Variants in LRP1B observed in about 807,000 individuals in gnomAD.
The protein encoded by LRP1B is LDL receptor related protein 1B.
In LRP1B, 217 loss-of-function variants were observed where a neutral mutation model predicts 556.6. The ratio of observed to expected loss-of-function variants is 0.39; its 90% CI spans 0.35 to 0.44. The LOEUF (loss-of-function observed/expected upper bound fraction) is 0.44. Among genes scored for constraint, LRP1B ranks in the 20% least tolerant of loss-of-function variants. The probability of loss-of-function intolerance (pLI) is 1.00; values close to 1 mark genes in which losing one functional copy is unlikely to be tolerated. For missense variants in LRP1B, 5,053 were observed against 5,620.8 expected (o/e 0.90, Z 3.23); for synonymous variants, 2,047 against 1,865.8 (o/e 1.10, Z -2.50).
chr2:141,525,226 G>C (rs2105181239), intron 2 of LRP1B, among the ~76,000 whole-genome samples: 1 of 152,156 alleles, frequency 6.6e-6, no homozygotes, highest in African/African-American at 2.4e-5. Flanking sequence ...GAAAGATATG[G>C]AAGTCTTCCT....
intron 86 of LRP1B, among the ~76,000 whole-genome samples, chr2:140,252,647 A>T (rs116832183): frequency 0.021 from 3,121 of 152,140 alleles, 38 homozygotes; most frequent in African/African-American, 0.029. Flanking sequence ...TTAAATGTAA[A>T]AATATTATTT....
chr2:140,537,531 G>T (rs564731100), intron 45 of LRP1B, among the ~76,000 whole-genome samples: 1 of 152,114 alleles, frequency 6.6e-6, no homozygotes, highest in South Asian at 2.1e-4. Flanking sequence ...ATCCATGTGT[G>T]GGAGGTTCCC....
intron 89 of LRP1B, among the ~76,000 whole-genome samples, chr2:140,237,874 T>A (rs1680778972): frequency 6.6e-6 from 1 of 150,850 alleles, no homozygotes; most frequent in Non-Finnish European, 1.5e-5. Context: ...CAAAATTAGA[T>A]AATGAATCAT....
At chr2:141,852,898 AAAAAG>A (rs1697913294) in intron 1 of LRP1B, among the ~76,000 whole-genome samples, 1 of 151,722 alleles carries the variant, frequency 6.6e-6, no homozygotes, top group Non-Finnish European at 1.5e-5. Flanking sequence ...TAGTTAAAAA[AAAAAG>A]AAATGAAAAA....
chr2:140,365,703 T>C (rs755628835), intron 71 of LRP1B, among the ~76,000 whole-genome samples: 1 of 151,642 alleles, frequency 6.6e-6, no homozygotes, highest in Admixed American at 6.6e-5. Context: ...GATATCACAG[T>C]ATAGAATTAA....
intron 1 of LRP1B, among the ~76,000 whole-genome samples, chr2:141,904,028 G>A (rs1381619957): frequency 6.6e-6 from 1 of 151,924 alleles, no homozygotes; most frequent in Non-Finnish European, 1.5e-5. Context: ...GTAATGGAAA[G>A]ATATGATAGT....
intron 53 of LRP1B, among the ~76,000 whole-genome samples, 164 bp downstream of exon 53, chr2:140,506,632 A>G (rs1039173616): frequency 2.0e-5 from 3 of 152,198 alleles, no homozygotes; most frequent in Non-Finnish European, 4.4e-5. Flanking sequence ...ATTATACTAG[A>G]GCTTAAATAA....
At chr2:140,422,997 C>T (rs772914900) in intron 66 of LRP1B, among the ~76,000 whole-genome samples, 2 of 152,120 alleles carry the variant, frequency 1.3e-5, no homozygotes, top group Admixed American at 6.6e-5. Context: ...TACCGAGTCA[C>T]AGCATTGAGC....
rs186372034 is a variant in LRP1B at position 141,369,983 on chromosome 2, T to C, written c.343+110413A>G. On this transcript the variant is annotated intron_variant, in intron 3 of 90. Coordinates refer to ENST00000389484, the MANE Select transcript of LRP1B (RefSeq NM_018557.3). ...CAAAAGACATGGTTTCATTCTTTTT[T>C]TATGCCTGAAGAGTACTCCATTATG... Among the ~76,000 whole-genome samples, 674 of 152,322 alleles carry C rather than the reference T, an allele frequency of 4.4e-3. 7 individuals carry two copies. The highest frequency in any genetic ancestry group is 0.015 in the African/African-American group (606 of 41,574).
chr2:141,093,043 T>C lies in LRP1B; in HGVS notation c.1014-30770A>G, dbSNP rs878875520. ...GGAAGGGAATATGGAGTCAAGACTT[T>C]TTTGTTGTTTTTTTTTTGTTAACAC... is the stretch of plus-strand genomic sequence containing the variant. On this transcript the variant is annotated intron_variant, in intron 7 of 90. Coordinates refer to ENST00000389484, the MANE Select transcript of LRP1B (RefSeq NM_018557.3). Among the ~76,000 whole-genome samples, 3 of 135,758 alleles carry C rather than the reference T, an allele frequency of 2.2e-5. No individual in the cohort carries two copies. The Admixed American group carries it at 2.3e-4, about 10-fold the overall frequency. 89.1% of individuals were successfully genotyped at this position (135,758 alleles called of 152,430 possible).
chr2:140,907,808 A>C (rs1694300158), intron 22 of LRP1B, 69 bp downstream of exon 22: 7 of 1,298,250 alleles, frequency 5.4e-6, no homozygotes, highest in Admixed American at 1.7e-5. Context: ...CTACTATATT[A>C]AGTAACAGCA....
intron 20 of LRP1B, among the ~76,000 whole-genome samples, chr2:140,924,395 A>C (rs550791224): frequency 6.6e-6 from 1 of 152,058 alleles, no homozygotes; most frequent in African/African-American, 2.4e-5. Flanking sequence ...TCTATAATAT[A>C]AATGGTTTAG....
intron 41 of LRP1B, among the ~76,000 whole-genome samples, chr2:140,658,104 C>T (rs568093597): frequency 7.5e-4 from 114 of 152,120 alleles, no homozygotes; most frequent in South Asian, 1.9e-3. Flanking sequence ...TATACTTAAA[C>T]CCATACTATT....
chr2:140,650,845 G>A (rs1396967087), intron 41 of LRP1B, among the ~76,000 whole-genome samples: 5 of 152,036 alleles, frequency 3.3e-5, no homozygotes, highest in African/African-American at 7.2e-5. Flanking sequence ...ATTTCCCCTC[G>A]AAAGTAATTA....
chr2:141,795,864 A>ATATATG (rs1395082230), intron 2 of LRP1B, among the ~76,000 whole-genome samples: 1 of 65,562 alleles, frequency 1.5e-5, no homozygotes, highest in South Asian at 6.8e-4. Context: ...AGCAATATAT[A>ATATATG]TATATATATA....
intron 3 of LRP1B, among the ~76,000 whole-genome samples, chr2:141,311,282 T>A (rs1397787450): frequency 6.6e-6 from 1 of 152,182 alleles, no homozygotes; most frequent in Non-Finnish European, 1.5e-5. Flanking sequence ...TTCTCTAGAA[T>A]GTAACCTTGA....
intron 86 of LRP1B, among the ~76,000 whole-genome samples, chr2:140,262,989 T>A (rs968183355): frequency 5.9e-5 from 9 of 152,150 alleles, no homozygotes; most frequent in Admixed American, 4.6e-4. Context: ...AGTGAAGCAA[T>A]CACAGCTCAC....
In LRP1B at chr2:140,701,734, T is replaced by A; in HGVS notation, c.6414A>T (p.Arg2138=). The part of the protein sequence containing the change: ...VNLKEVKIFN[R]VREKGTNVCA... ...AAGAGTGCTGACCTTTCTCTCTTAC[T>A]CGGTTAAATATTTTAACCTCCTTCA... is the stretch of plus-strand genomic sequence containing the variant. Residue 2138 remains arginine, a synonymous_variant, in exon 40 of 91, where the codon CGA becomes CGT. Coordinates refer to ENST00000389484, the MANE Select transcript of LRP1B (RefSeq NM_018557.3). The A allele has an allele frequency of 6.2e-7, 1 of 1,612,598 alleles. No homozygotes were observed. The highest frequency in any genetic ancestry group is 1.1e-5 in the South Asian group (1 of 91,030).
intron 1 of LRP1B, among the ~76,000 whole-genome samples, chr2:141,937,807 G>A (rs1346582005): frequency 6.6e-6 from 1 of 152,094 alleles, no homozygotes; most frequent in Non-Finnish European, 1.5e-5. Flanking sequence ...TTTCTTCCAG[G>A]AGTTTTACAG....
Sources: allele counts gnomAD v4.1 joint callset (sites outside exome capture counted in the v4.1 genomes callset), GRCh38; gene constraint gnomAD v4.1.1; transcripts MANE v1.5; gene names NCBI Gene and HGNC (gene_info 2026-07-23, HGNC 2026-07-21).